PAK5: variants seen among roughly 807,000 people sequenced by gnomAD.
PAK5 encodes the protein p21 (RAC1) activated kinase 5.
PAK5 carries 16 observed loss-of-function variants against 65.9 expected under a neutral mutation model. The ratio of observed to expected loss-of-function variants is 0.24; its 90% CI spans 0.16 to 0.37. The LOEUF (loss-of-function observed/expected upper bound fraction) is 0.37, where lower values mean the gene tolerates loss of function less well. Among genes scored for constraint, PAK5 ranks in the 10% least tolerant of loss-of-function variants. The probability of loss-of-function intolerance (pLI) is 1.00; values close to 1 mark genes in which losing one functional copy is unlikely to be tolerated. For missense variants in PAK5, 785 were observed against 903.9 expected (o/e 0.87, Z 1.69); for synonymous variants, 371 against 354.9 (o/e 1.05, Z -0.51).
At chr20:9,657,031 T>C (rs965410751) in intron 2 of PAK5, among the ~76,000 whole-genome samples, 3 of 152,212 alleles carry the variant, frequency 2.0e-5, no homozygotes, top group Admixed American at 6.5e-5. Context: ...TATGTATATA[T>C]GTCTATGCCA....
At chr20:9,674,136 C>T (rs986241338) in intron 2 of PAK5, among the ~76,000 whole-genome samples, 1 of 152,174 alleles carries the variant, frequency 6.6e-6, no homozygotes, top group Non-Finnish European at 1.5e-5. Flanking sequence ...AGTCTAGCAG[C>T]AGAAACAGAA....
At position 9,580,212 on chromosome 20, in the gene PAK5, G is replaced by T. The variant is rs1307918949; in HGVS notation, c.923C>A (p.Pro308His). The T allele has an allele frequency of 1.2e-6, 2 of 1,613,982 alleles. No individual in the cohort carries two copies. Among genetic ancestry groups the T allele is most frequent in the African/African-American group, 2.7e-5 (2 of 74,916 alleles). Residue 308 changes from proline to histidine, a missense_variant, in exon 4 of 10, where the codon CCC becomes CAC. Pro to His is a moderately conservative substitution (Grantham distance 77). Coordinates refer to ENST00000353224, the MANE Select transcript of PAK5 (RefSeq NM_177990.4). ...GTAGGAGTTGTAGGAGTGTCCTTGGGGATGGGTTTTAAATGCACTTGCTCC... is the reference window on the plus strand; with the variant it reads ...GTAGGAGTTGTAGGAGTGTCCTTGGTGATGGGTTTTAAATGCACTTGCTCC... The part of the protein sequence containing the change: ...PFGASAFKTH[P>H]QGHSYNSYTY...
intron 1 of PAK5, among the ~76,000 whole-genome samples, chr20:9,807,333 T>A (rs1419851952): frequency 6.6e-6 from 1 of 152,170 alleles, no homozygotes; most frequent in Non-Finnish European, 1.5e-5. Flanking sequence ...ATCTCCCTTT[T>A]AACAGCTGGT....
rs143533357 is a variant in PAK5, at chr20:9,795,717, C to T, written c.-162+43045G>A. 5.4e-4 allele frequency among the ~76,000 whole-genome samples: 82 copies of T among 151,966 alleles called. 2 individuals carry two copies. In the East Asian group the frequency reaches 0.014, roughly 26 times the overall value. On this transcript the variant is annotated intron_variant, in intron 1 of 9. Coordinates refer to ENST00000353224, the MANE Select transcript of PAK5 (RefSeq NM_177990.4). ...TGGAACTTATAAAAATTTAAAAATC[C>T]AATAGTTCAGAAAGAGTAAAATAAA... is the stretch of plus-strand genomic sequence containing the variant.
intron 2 of PAK5, among the ~76,000 whole-genome samples, chr20:9,674,993 G>C (rs1285805318): frequency 1.3e-5 from 2 of 152,154 alleles, no homozygotes; most frequent in Non-Finnish European, 2.9e-5. Context: ...GGCCCAAGGA[G>C]GGGGAACTGG....
At chr20:9,805,559 T>G (rs998630197) in intron 1 of PAK5, among the ~76,000 whole-genome samples, 3 of 152,156 alleles carry the variant, frequency 2.0e-5, no homozygotes, top group Non-Finnish European at 2.9e-5. Flanking sequence ...AACAAAATAC[T>G]GATACATGCT....
At chr20:9,661,706 G>A (rs1027200121) in intron 2 of PAK5, among the ~76,000 whole-genome samples, 3 of 152,068 alleles carry the variant, frequency 2.0e-5, no homozygotes, top group African/African-American at 7.2e-5. Context: ...TGGAAGAGGG[G>A]TCTTCATTCT....
intron 6 of PAK5, among the ~76,000 whole-genome samples, chr20:9,558,692 G>T (rs1285874243): frequency 6.6e-6 from 1 of 152,168 alleles, no homozygotes; most frequent in Non-Finnish European, 1.5e-5. Context: ...CCTCCAAGGA[G>T]CTAGAGGTTT....
intron 2 of PAK5, among the ~76,000 whole-genome samples, chr20:9,697,418 T>C (rs1255672661): frequency 1.3e-5 from 2 of 152,066 alleles, no homozygotes; most frequent in Admixed American, 1.3e-4. Flanking sequence ...TCTCCAAATA[T>C]GCTATTCCCT....
At chr20:9,809,602 C>A (rs1303184009) in intron 1 of PAK5, among the ~76,000 whole-genome samples, 2 of 152,128 alleles carry the variant, frequency 1.3e-5, no homozygotes, top group Non-Finnish European at 2.9e-5. Flanking sequence ...GCTCTTTGTG[C>A]TGTCATTATA....
At chr20:9,677,678 CT>C in intron 2 of PAK5, among the ~76,000 whole-genome samples, 1 of 152,290 alleles carries the variant, frequency 6.6e-6, no homozygotes, top group East Asian at 1.9e-4. Context: ...AAACTGTTAA[CT>C]TTATCTTTTT....
At chr20:9,716,096 G>GA (rs1220078565) in intron 1 of PAK5, among the ~76,000 whole-genome samples, 3 of 55,878 alleles carry the variant, frequency 5.4e-5, no homozygotes, top group South Asian at 8.2e-4. Flanking sequence ...TGCAGTAGCT[G>GA]AAAAAAAATA....
At chr20:9,824,810 G>A (rs970380797) in intron 1 of PAK5, among the ~76,000 whole-genome samples, 2 of 152,088 alleles carry the variant, frequency 1.3e-5, no homozygotes, top group Admixed American at 6.6e-5. Context: ...GCTGTTTCCT[G>A]TCTGTCTCTC....
intron 3 of PAK5, among the ~76,000 whole-genome samples, chr20:9,627,746 C>G: frequency 6.6e-6 from 1 of 151,778 alleles, no homozygotes; most frequent in African/African-American, 2.4e-5. Context: ...CCTGCCTCAG[C>G]CTCCCGAGTA....
chr20:9,655,201 ACAAAT>A (rs1426080157), intron 2 of PAK5, among the ~76,000 whole-genome samples: 3 of 152,214 alleles, frequency 2.0e-5, no homozygotes, highest in African/African-American at 7.2e-5. Context: ...GTCATTACAC[ACAAAT>A]CCAAACCCCT....
chr20:9,617,959 A>T (rs2046691898), intron 3 of PAK5, among the ~76,000 whole-genome samples: 1 of 152,232 alleles, frequency 6.6e-6, no homozygotes, highest in Admixed American at 6.5e-5. Flanking sequence ...GATACCTTTA[A>T]GCCTCTAAAT....
intron 2 of PAK5, among the ~76,000 whole-genome samples, chr20:9,646,287 T>C (rs767095022): frequency 5.9e-5 from 9 of 152,174 alleles, no homozygotes; most frequent in Non-Finnish European, 1.0e-4. Flanking sequence ...TACATAAATA[T>C]TCTCTCAGCA....
Position 9,626,701 on chromosome 20 carries a change from A to T in PAK5, c.204+17424T>A, listed in dbSNP as rs550076150. ...GAAATATAAGTATTTTGCAAATTTC[A>T]ATTTACATGTATTTGTTGTTATGCC... On this transcript the variant is annotated intron_variant, in intron 3 of 9. Transcript: ENST00000353224. Among the ~76,000 whole-genome samples the T allele has an allele frequency of 2.0e-5, 3 of 152,204 alleles. No individual in the cohort carries two copies. In the East Asian group the frequency reaches 5.8e-4, roughly 29 times the overall value.
chr20:9,731,770 T>C (rs913004950), intron 1 of PAK5, among the ~76,000 whole-genome samples: 9 of 152,192 alleles, frequency 5.9e-5, no homozygotes, highest in African/African-American at 2.2e-4. Context: ...CATTTGTAAC[T>C]AAAGTACTTT....
Sources: gnomAD v4.1 joint callset for allele counts (sites outside exome capture counted in the v4.1 genomes callset) on GRCh38, gnomAD v4.1.1 for gene constraint, MANE v1.5 for transcripts, NCBI Gene and HGNC (gene_info 2026-07-23, HGNC 2026-07-21) for gene names.